The following ZFPM2 variants were observed in gnomAD, a reference collection of about 807,000 sequenced individuals.
ZFPM2 encodes the protein zinc finger protein ZFPM2.
A neutral mutation model predicts 98.6 loss-of-function variants in ZFPM2; 20 were observed. That is an observed-to-expected ratio of 0.20 (90% CI 0.14 to 0.29). The LOEUF is 0.29. Among genes scored for constraint, ZFPM2 ranks in the 10% least tolerant of loss-of-function variants. The probability of loss-of-function intolerance (pLI) is 1.00; values close to 1 mark genes in which losing one functional copy is unlikely to be tolerated. For synonymous variants in ZFPM2, 518 were observed against 502.7 expected (o/e 1.03, Z -0.41); for missense variants, 1,310 against 1,388.6 (o/e 0.94, Z 0.90).
chr8:105,472,039 A>G (rs1812914421), intron 3 of ZFPM2, among the ~76,000 whole-genome samples: 1 of 152,188 alleles, frequency 6.6e-6, no homozygotes, highest in Non-Finnish European at 1.5e-5. Flanking sequence ...ATAAAATTTT[A>G]TGCATGATGA....
chr8:105,517,659 G>A (rs1428529988), intron 3 of ZFPM2, among the ~76,000 whole-genome samples: 1 of 143,938 alleles, frequency 6.9e-6, no homozygotes, highest in Non-Finnish European at 1.5e-5. Context: ...AGACCAGCCT[G>A]GGGAACATAG....
chr8:105,614,144 T>G (rs117841345), intron 4 of ZFPM2, among the ~76,000 whole-genome samples: 2 of 152,292 alleles, frequency 1.3e-5, no homozygotes, highest in East Asian at 3.9e-4. Flanking sequence ...CAGATCATTA[T>G]TTTTTTCCAA....
At chr8:105,534,024 C>T (rs1331455451) in intron 3 of ZFPM2, among the ~76,000 whole-genome samples, 3 of 32,060 alleles carry the variant, frequency 9.4e-5, no homozygotes, top group African/African-American at 5.0e-4. Flanking sequence ...CCCTTCTTCC[C>T]TTCCTCCCTC....
chr8:105,483,514 C>T (rs1389570830), intron 3 of ZFPM2, among the ~76,000 whole-genome samples: 2 of 150,312 alleles, frequency 1.3e-5, no homozygotes, highest in Admixed American at 1.3e-4. Flanking sequence ...CACTTGAATT[C>T]GGGAGGCAGA....
intron 5 of ZFPM2, among the ~76,000 whole-genome samples, chr8:105,779,949 C>T (rs1035050847): frequency 7.2e-5 from 11 of 152,238 alleles, no homozygotes; most frequent in Admixed American, 3.3e-4. Context: ...CACGTCACTG[C>T]GGTTTTGACA....
intron 2 of ZFPM2, among the ~76,000 whole-genome samples, chr8:105,438,896 T>C (rs946565368): frequency 2.0e-5 from 3 of 152,206 alleles, no homozygotes; most frequent in Admixed American, 1.3e-4. Context: ...TTCTATACTT[T>C]ATGTCTTACC....
intron 5 of ZFPM2, among the ~76,000 whole-genome samples, chr8:105,783,366 CCT>C (rs1004631982): frequency 1.3e-5 from 2 of 151,346 alleles, no homozygotes; most frequent in Middle Eastern, 3.2e-3. Flanking sequence ...AAAAATGTAA[CCT>C]CATTTTTTCT....
chr8:105,422,047 CAA>C (rs747630701), intron 2 of ZFPM2, among the ~76,000 whole-genome samples: 5 of 51,554 alleles, frequency 9.7e-5, no homozygotes, highest in Admixed American at 2.2e-4. Context: ...GACTCCATCT[CAA>C]AAAAAAAAAA....
At chr8:105,801,001 C>T in intron 7 of ZFPM2, 46 bp from the exon 8 acceptor site, 1 of 1,545,678 alleles carries the variant, frequency 6.5e-7, no homozygotes, top group Non-Finnish European at 8.8e-7. Context: ...CATTCAAAAA[C>T]CAACACACAT....
chr8:105,605,386 T>C (rs1190603989), intron 4 of ZFPM2, among the ~76,000 whole-genome samples: 1 of 152,082 alleles, frequency 6.6e-6, no homozygotes, highest in Non-Finnish European at 1.5e-5. Context: ...TGGAATTTAA[T>C]TAATATGACT....
chr8:105,680,231 G>A (rs1257852164), intron 5 of ZFPM2, among the ~76,000 whole-genome samples: 1 of 152,018 alleles, frequency 6.6e-6, no homozygotes, highest in African/African-American at 2.4e-5. Context: ...TTCTTTTTTA[G>A]GATGTTTGGG....
chr8:105,559,388 T>C (rs966878709), intron 3 of ZFPM2, among the ~76,000 whole-genome samples: 1 of 152,182 alleles, frequency 6.6e-6, no homozygotes, highest in Non-Finnish European at 1.5e-5. Context: ...GCTGTTGATA[T>C]ACCAGAATTT....
intron 4 of ZFPM2, among the ~76,000 whole-genome samples, chr8:105,577,805 A>G (rs1245182065): frequency 6.6e-6 from 1 of 151,888 alleles, no homozygotes; most frequent in Non-Finnish European, 1.5e-5. Flanking sequence ...AAATGAAAAA[A>G]ATGCATGCAG....
chr8:105,583,922 A>C (rs1290566820), intron 4 of ZFPM2, among the ~76,000 whole-genome samples: 2 of 152,186 alleles, frequency 1.3e-5, no homozygotes, highest in African/African-American at 4.8e-5. Flanking sequence ...TGTAGTCATA[A>C]GACCTGTAAG....
At chr8:105,628,600 G>A (rs544685904) in intron 4 of ZFPM2, among the ~76,000 whole-genome samples, 93 of 152,190 alleles carry the variant, frequency 6.1e-4, no homozygotes, top group African/African-American at 2.0e-3. Context: ...ACAGGACTAC[G>A]GCTGGATGTT....
At chr8:105,446,111 G>A (rs1371852587) in intron 3 of ZFPM2, among the ~76,000 whole-genome samples, 1 of 151,900 alleles carries the variant, frequency 6.6e-6, no homozygotes, top group African/African-American at 2.4e-5. Context: ...TAGTAGAGAC[G>A]GGGTTTCACC....
Position 105,561,548 on chromosome 8 carries a change from A to C in ZFPM2, c.420+67A>C, listed in dbSNP as rs571796750. 7 of 1,228,234 alleles carry C rather than the reference A, an allele frequency of 5.7e-6. No homozygotes were observed. In the South Asian group the frequency reaches 1.1e-4, roughly 19 times the overall value. The allele number at this position is 1,228,234 out of a possible 1,614,324, so 76.1% of individuals were successfully genotyped here. On this transcript the variant is annotated intron_variant, in intron 4 of 7. Coordinates refer to ENST00000407775, the MANE Select transcript of ZFPM2 (RefSeq NM_012082.4). ...TGTTAGTATTTTGCCATAGCTCAGAAATTCTCTCTGCTTGCTTTCCAATGA... is the reference window on the plus strand; with the variant it reads ...TGTTAGTATTTTGCCATAGCTCAGACATTCTCTCTGCTTGCTTTCCAATGA...
At chr8:105,444,673 C>G (rs1010893568) in intron 3 of ZFPM2, among the ~76,000 whole-genome samples, 1 of 151,942 alleles carries the variant, frequency 6.6e-6, no homozygotes, top group Admixed American at 6.6e-5. Flanking sequence ...TAAGCTACAT[C>G]CAAATTTAAA....
chr8:105,405,678 A>G (rs890505160), intron 1 of ZFPM2, among the ~76,000 whole-genome samples: 47 of 151,946 alleles, frequency 3.1e-4, no homozygotes, highest in Non-Finnish European at 5.0e-4. Context: ...CCAGTCTATC[A>G]TTGTTGGACA....
Sources: allele counts gnomAD v4.1 joint callset (sites outside exome capture counted in the v4.1 genomes callset), GRCh38; gene constraint gnomAD v4.1.1; transcripts MANE v1.5; gene names NCBI Gene and HGNC (gene_info 2026-07-23, HGNC 2026-07-21).